Variants in KITLG observed in about 807,000 individuals in gnomAD.
The protein encoded by KITLG is KIT ligand, also known as c-Kit ligand.
KITLG carries 13 observed loss-of-function variants against 34.1 expected under a neutral mutation model. The observed-to-expected ratio is 0.38, with a 90% CI of 0.25 to 0.61. The LOEUF (loss-of-function observed/expected upper bound fraction) is 0.61. Among genes scored for constraint, KITLG ranks in the 20% least tolerant of loss-of-function variants. The probability of loss-of-function intolerance (pLI) is 0.60; values close to 1 mark genes in which losing one functional copy is unlikely to be tolerated. For synonymous variants in KITLG, 110 were observed against 104.0 expected (o/e 1.06, Z -0.35); for missense variants, 292 against 318.9 (o/e 0.92, Z 0.64).
At chr12:88,548,713 C>A (rs1870798023) in intron 1 of KITLG, among the ~76,000 whole-genome samples, 1 of 152,150 alleles carries the variant, frequency 6.6e-6, no homozygotes, top group Non-Finnish European at 1.5e-5. Flanking sequence ...AATATTAATA[C>A]ATATCAGTGC....
intron 1 of KITLG, among the ~76,000 whole-genome samples, chr12:88,565,928 A>T (rs1375961400): frequency 6.6e-6 from 1 of 152,204 alleles, no homozygotes; most frequent in Non-Finnish European, 1.5e-5. Context: ...CTTCATCATC[A>T]TCAACAATAT....
intron 1 of KITLG, among the ~76,000 whole-genome samples, chr12:88,557,957 A>C (rs143348213): frequency 1.7e-4 from 26 of 152,294 alleles, no homozygotes; most frequent in Non-Finnish European, 1.0e-4. Flanking sequence ...CATAATTTAT[A>C]CTCTTTCAAA....
At chr12:88,516,151 C>G (rs1489615878) in intron 5 of KITLG, among the ~76,000 whole-genome samples, 183 bp downstream of exon 5, 3 of 151,834 alleles carry the variant, frequency 2.0e-5, no homozygotes, top group African/African-American at 7.2e-5. Context: ...ATGAATATTG[C>G]TTTGGGTTAG....
At chr12:88,568,857 G>A (rs1160999217) in intron 1 of KITLG, among the ~76,000 whole-genome samples, 1 of 152,234 alleles carries the variant, frequency 6.6e-6, no homozygotes, top group Non-Finnish European at 1.5e-5. Flanking sequence ...AAAAAAGAGT[G>A]AGGAAACAAG....
chr12:88,518,986 T>C (rs2120841432), intron 3 of KITLG, 119 bp from the exon 4 acceptor site: 1 of 872,776 alleles, frequency 1.1e-6, no homozygotes, highest in East Asian at 2.6e-5. Context: ...CCTCAGCCTC[T>C]CGAGTAGCTC....
At chr12:88,562,497 T>C (rs1871328871) in intron 1 of KITLG, among the ~76,000 whole-genome samples, 2 of 152,200 alleles carry the variant, frequency 1.3e-5, no homozygotes, top group East Asian at 3.9e-4. Context: ...ACTAAGGCAA[T>C]GGCAGGTGTG....
intron 1 of KITLG, among the ~76,000 whole-genome samples, chr12:88,560,534 G>A (rs781187109): frequency 4.6e-5 from 7 of 152,158 alleles, no homozygotes; most frequent in African/African-American, 1.4e-4. Context: ...ATTTGGATCC[G>A]CTCTTCCAAG....
intron 1 of KITLG, among the ~76,000 whole-genome samples, chr12:88,555,252 GGAAATAACT>G (rs1871057849): frequency 6.6e-6 from 1 of 152,090 alleles, no homozygotes; most frequent in East Asian, 1.9e-4. Context: ...TACTTAAAGT[GGAAATAACT>G]CAAAATATAT....
intron 1 of KITLG, among the ~76,000 whole-genome samples, chr12:88,558,033 C>G (rs995128438): frequency 6.6e-6 from 1 of 152,190 alleles, no homozygotes; most frequent in African/African-American, 2.4e-5. Flanking sequence ...TTTAAAATCT[C>G]TAAAATATTT....
chr12:88,555,611 A>G (rs929638451), intron 1 of KITLG, among the ~76,000 whole-genome samples: 12 of 152,214 alleles, frequency 7.9e-5, no homozygotes, highest in African/African-American at 2.9e-4. Flanking sequence ...AATTGAAATT[A>G]CATGTCAAGT....
In KITLG at chr12:88,535,971, C is replaced by A. The variant is rs11836316; in HGVS notation, c.130-3468G>T. Among the ~76,000 whole-genome samples, 610 of 152,224 alleles carry A rather than the reference C, an allele frequency of 4.0e-3. 1 individual carries two copies. The highest frequency in any genetic ancestry group is 9.7e-3 in the African/African-American group (401 of 41,552). On this transcript the variant is annotated intron_variant, in intron 2 of 9. Coordinates refer to ENST00000644744, the MANE Select transcript of KITLG (RefSeq NM_000899.5). ...TGCTGGAAGAAAACTTAGTAAACAC[C>A]ATTCTGGACATTGGCCTTGGGGAAT...
At chr12:88,535,423 A>G (rs1480356228) in intron 2 of KITLG, among the ~76,000 whole-genome samples, 1 of 152,208 alleles carries the variant, frequency 6.6e-6, no homozygotes, top group African/African-American at 2.4e-5. Flanking sequence ...GAGAGATTAT[A>G]TTAAGCTTAT....
At chr12:88,526,867 T>C (rs936580261) in intron 3 of KITLG, among the ~76,000 whole-genome samples, 1 of 119,864 alleles carries the variant, frequency 8.3e-6, no homozygotes, top group Non-Finnish European at 1.9e-5. Flanking sequence ...TATAGTCTTT[T>C]TTTTTTTTTT....
At chr12:88,506,481 A>C in intron 7 of KITLG, 103 bp from the exon 8 acceptor site, 3 of 834,710 alleles carry the variant, frequency 3.6e-6, no homozygotes, top group Non-Finnish European at 6.3e-6. Flanking sequence ...AATAACTCCA[A>C]TAACAGTTTT....
intron 1 of KITLG, among the ~76,000 whole-genome samples, chr12:88,566,814 T>C (rs1250817767): frequency 1.3e-5 from 2 of 152,182 alleles, no homozygotes; most frequent in Non-Finnish European, 2.9e-5. Flanking sequence ...TTAATAACTC[T>C]AGATTGTGTG....
chr12:88,515,276 T>C (rs1176004530), intron 6 of KITLG, among the ~76,000 whole-genome samples: 1 of 151,888 alleles, frequency 6.6e-6, no homozygotes, highest in African/African-American at 2.4e-5. Flanking sequence ...GCATAAATCA[T>C]ATTTCTAAAA....
chr12:88,516,908 C>T (rs914218194), intron 4 of KITLG, among the ~76,000 whole-genome samples: 2 of 149,984 alleles, frequency 1.3e-5, no homozygotes, highest in African/African-American at 4.9e-5. Context: ...TCAGATGATA[C>T]TAAATATTGG....
At chr12:88,530,352 G>C (rs147018201) in intron 3 of KITLG, among the ~76,000 whole-genome samples, 2 of 152,190 alleles carry the variant, frequency 1.3e-5, no homozygotes, top group African/African-American at 4.8e-5. Flanking sequence ...ATACTTTTGC[G>C]CTGTAAAGCT....
chr12:88,540,582 T>C (rs529642964), intron 2 of KITLG, among the ~76,000 whole-genome samples: 1 of 152,204 alleles, frequency 6.6e-6, no homozygotes, highest in East Asian at 1.9e-4. Flanking sequence ...GGAGGATCTC[T>C]TGGGGCCAGG....
Sources: allele counts gnomAD v4.1 joint callset (sites outside exome capture counted in the v4.1 genomes callset), GRCh38; gene constraint gnomAD v4.1.1; transcripts MANE v1.5; gene names NCBI Gene and HGNC (gene_info 2026-07-23, HGNC 2026-07-21).